Variants in NRXN1 observed in about 807,000 individuals in gnomAD.
NRXN1 encodes the protein neurexin-1.
In NRXN1, 39 loss-of-function variants were observed where a neutral mutation model predicts 150.9. That is an observed-to-expected ratio of 0.26 (90% CI 0.20 to 0.34). NRXN1 has a LOEUF of 0.34. Ranked by LOEUF, NRXN1 falls within the 10% of genes least tolerant of loss-of-function variation. NRXN1 has a pLI of 1.00. For synonymous variants in NRXN1, 924 were observed against 757.0 expected (o/e 1.22, Z -3.62); for missense variants, 1,815 against 1,949.9 (o/e 0.93, Z 1.30).
chr2:50,395,631 A>C (rs1420690225), intron 17 of NRXN1, among the ~76,000 whole-genome samples: 1 of 152,144 alleles, frequency 6.6e-6, no homozygotes, highest in East Asian at 1.9e-4. Context: ...AAAATGAATC[A>C]CAATAACTAT....
intron 18 of NRXN1, among the ~76,000 whole-genome samples, chr2:50,195,840 T>C (rs974365222): frequency 3.3e-5 from 5 of 152,096 alleles, no homozygotes; most frequent in African/African-American, 1.2e-4. Flanking sequence ...TATAATATTA[T>C]CATAGTTTCT....
intron 5 of NRXN1, among the ~76,000 whole-genome samples, chr2:50,739,546 A>C (rs375472942): frequency 1.3e-5 from 2 of 152,192 alleles, no homozygotes; most frequent in East Asian, 3.9e-4. Context: ...TCCAATAATC[A>C]ACAGGATATC....
At chr2:50,194,830 T>C (rs1412600982) in intron 18 of NRXN1, among the ~76,000 whole-genome samples, 1 of 152,180 alleles carries the variant, frequency 6.6e-6, no homozygotes, top group Non-Finnish European at 1.5e-5. Context: ...AAGAGATTTC[T>C]TTGAGTGATC....
chr2:50,921,096 C>T (rs1225749862), intron 5 of NRXN1, among the ~76,000 whole-genome samples: 3 of 151,746 alleles, frequency 2.0e-5, no homozygotes. Flanking sequence ...CATTCACTAA[C>T]ACACAGTTAA....
At chr2:50,269,987 A>G (rs1233794188) in intron 17 of NRXN1, among the ~76,000 whole-genome samples, 1 of 152,180 alleles carries the variant, frequency 6.6e-6, no homozygotes, top group Non-Finnish European at 1.5e-5. Flanking sequence ...AAATTAAATT[A>G]AATTAAATTA....
chr2:50,097,505 T>C (rs1439833982), intron 18 of NRXN1, among the ~76,000 whole-genome samples: 1 of 152,180 alleles, frequency 6.6e-6, no homozygotes, highest in Admixed American at 6.5e-5. Flanking sequence ...GAGCAAAGGT[T>C]TTAAGGCATG....
At chr2:50,794,383 T>A (rs1706491394) in intron 5 of NRXN1, among the ~76,000 whole-genome samples, 1 of 152,070 alleles carries the variant, frequency 6.6e-6, no homozygotes, top group Admixed American at 6.6e-5. Flanking sequence ...TCATACTGCT[T>A]TAGATGGGAA....
At chr2:50,875,180 A>C (rs1678385721) in intron 5 of NRXN1, among the ~76,000 whole-genome samples, 1 of 151,760 alleles carries the variant, frequency 6.6e-6, no homozygotes. Flanking sequence ...TTTACAACTT[A>C]ATTTTCTTAA....
At chr2:50,041,004 A>C (rs940150819) in intron 21 of NRXN1, among the ~76,000 whole-genome samples, 1 of 152,132 alleles carries the variant, frequency 6.6e-6, no homozygotes, top group Non-Finnish European at 1.5e-5. Flanking sequence ...TCCTAATGCT[A>C]TCCCTCCTCC....
chr2:50,130,591 C>T (rs1705322034), intron 18 of NRXN1, among the ~76,000 whole-genome samples: 1 of 152,108 alleles, frequency 6.6e-6, no homozygotes, highest in African/African-American at 2.4e-5. Context: ...TATATTCTGC[C>T]TCTATTGGAA....
chr2:49,956,585 A>T (rs1319583884), intron 21 of NRXN1, among the ~76,000 whole-genome samples: 3 of 152,136 alleles, frequency 2.0e-5, no homozygotes, highest in Non-Finnish European at 4.4e-5. Flanking sequence ...CTCACATAGC[A>T]AGAAAAGTCC....
At chr2:50,067,120 T>A (rs1695483719) in intron 19 of NRXN1, among the ~76,000 whole-genome samples, 1 of 152,176 alleles carries the variant, frequency 6.6e-6, no homozygotes, top group Admixed American at 6.5e-5. Context: ...TTAAACAATA[T>A]ATTCATGTGA....
intron 5 of NRXN1, among the ~76,000 whole-genome samples, chr2:50,722,197 T>A (rs190126053): frequency 1.3e-5 from 2 of 152,298 alleles, no homozygotes; most frequent in African/African-American, 4.8e-5. Context: ...TTTACTGCAT[T>A]ATTTCTAGGC....
chr2:50,515,370 A>G (rs2092598554), intron 12 of NRXN1, among the ~76,000 whole-genome samples: 1 of 152,200 alleles, frequency 6.6e-6, no homozygotes, highest in Non-Finnish European at 1.5e-5. Context: ...TAATAGTAAT[A>G]GAAATAAGGT....
chr2:50,723,829 C>A (rs1696980929), intron 5 of NRXN1, among the ~76,000 whole-genome samples: 2 of 152,190 alleles, frequency 1.3e-5, no homozygotes, highest in Non-Finnish European at 2.9e-5. Flanking sequence ...ATACCAACCA[C>A]TGTGTTTTCG....
intron 17 of NRXN1, among the ~76,000 whole-genome samples, chr2:50,407,425 C>T (rs1248742563): frequency 6.6e-6 from 1 of 152,076 alleles, no homozygotes; most frequent in Non-Finnish European, 1.5e-5. Context: ...AAATTCAGTC[C>T]CAAATCACTG....
In NRXN1 at chr2:51,026,457, C is replaced by T. The variant is rs372181288; in HGVS notation, c.772+1045G>A. ...CAGCACCGGCAAAACACACTGAAGA[C>T]CGAATTTTATTTCTAAAGAGGAGAA... On this transcript the variant is annotated intron_variant, in intron 2 of 22. Coordinates refer to ENST00000401669, the MANE Select transcript of NRXN1 (RefSeq NM_001330078.2). 1.2e-6 allele frequency: 2 copies of T among 1,600,206 alleles called. No homozygotes were observed. The highest frequency in any genetic ancestry group is 8.5e-7 in the Non-Finnish European group (1 of 1,171,712).
At chr2:50,957,030 G>T (rs1045378986) in intron 2 of NRXN1, among the ~76,000 whole-genome samples, 1 of 152,150 alleles carries the variant, frequency 6.6e-6, no homozygotes, top group African/African-American at 2.4e-5. Flanking sequence ...ATGGAATTGG[G>T]AGTATGTGGG....
chr2:50,414,850 G>C (rs773807173), intron 17 of NRXN1, among the ~76,000 whole-genome samples: 4 of 152,026 alleles, frequency 2.6e-5, no homozygotes, highest in Admixed American at 2.6e-4. Context: ...TCAATAAACT[G>C]TAAAAATTGA....
Sources: allele counts gnomAD v4.1 joint callset (sites outside exome capture counted in the v4.1 genomes callset), GRCh38; gene constraint gnomAD v4.1.1; transcripts MANE v1.5; gene names NCBI Gene and HGNC (gene_info 2026-07-23, HGNC 2026-07-21).